Variants in DEF6 observed in about 807,000 individuals in gnomAD.
DEF6 encodes DEF6 guanine nucleotide exchange factor.
A neutral mutation model predicts 80.5 loss-of-function variants in DEF6; 32 were observed. The ratio of observed to expected loss-of-function variants is 0.40; its 90% CI spans 0.30 to 0.53. DEF6 has a LOEUF of 0.53. Among genes scored for constraint, DEF6 ranks in the 20% least tolerant of loss-of-function variants. The probability of loss-of-function intolerance (pLI) is 0.57; values close to 1 mark genes in which losing one functional copy is unlikely to be tolerated. For missense variants in DEF6, 575 were observed against 818.7 expected (o/e 0.70, Z 3.63); for synonymous variants, 300 against 337.9 (o/e 0.89, Z 1.23).
At position 35,318,466 on chromosome 6, in the gene DEF6, G is replaced by C. The variant is rs1791549354; in HGVS notation, c.1210G>C (p.Glu404Gln). ...QALEGQLREAEQARASMQAEM... is the reference protein window; with the variant it reads ...QALEGQLREAQQARASMQAEM... ...GCTCGAGGGCCAACTGCGCGAGGCG[G>C]AGCAGGTGGGGTTAGCTCCCGGCGC... is the stretch of plus-strand genomic sequence containing the variant. Residue 404 changes from glutamate to glutamine, a missense_variant, in exon 7 of 11, where the codon GAG becomes CAG. Glu to Gln is a conservative substitution (Grantham distance 29). Transcript: ENST00000316637. This position sits in a 1 kb window ranked among gnomAD's most constrained non-coding sequence, Gnocchi z 5.1. 2 of 1,426,754 alleles carry C rather than the reference G, an allele frequency of 1.4e-6. No homozygotes were observed. Among genetic ancestry groups the C allele is most frequent in the Non-Finnish European group, 1.8e-6 (2 of 1,098,884 alleles). 88.4% of individuals were successfully genotyped at this position (1,426,754 alleles called of 1,614,324 possible).
chr6:35,300,725 T>C (rs1791303228), intron 1 of DEF6, among the ~76,000 whole-genome samples: 1 of 151,916 alleles, frequency 6.6e-6, no homozygotes, highest in South Asian at 2.1e-4. Context: ...TTCCCAGGAG[T>C]TGAGGGCTGT....
intron 2 of DEF6, 38 bp from the exon 3 acceptor site, chr6:35,310,421 G>A (rs991564414): frequency 5.0e-6 from 8 of 1,606,842 alleles, no homozygotes; most frequent in South Asian, 1.1e-5. Context: ...TGGTAGAGCT[G>A]AGATATGCAG....
chr6:35,300,193 T>C (rs1305647983), intron 1 of DEF6, among the ~76,000 whole-genome samples: 1 of 152,216 alleles, frequency 6.6e-6, no homozygotes, highest in East Asian at 1.9e-4. Flanking sequence ...GGCTAATTTT[T>C]TTATTTTTTA....
At chr6:35,306,535 T>G (rs1791392641) in intron 1 of DEF6, among the ~76,000 whole-genome samples, 1 of 152,008 alleles carries the variant, frequency 6.6e-6, no homozygotes, top group African/African-American at 2.4e-5. Flanking sequence ...AGATGAAAGT[T>G]TCTCCCCTCA....
At chr6:35,313,499 C>G in intron 5 of DEF6, 1 of 317,500 alleles carries the variant, frequency 3.1e-6, no homozygotes. Flanking sequence ...TTGAAATATA[C>G]AATAGATTAT....
Position 35,318,246 on chromosome 6 carries a change from C to A in DEF6, c.990C>A (p.Arg330=). 6.3e-7 allele frequency: 1 copy of A among 1,592,536 alleles called. No homozygotes were observed. The highest frequency in any genetic ancestry group is 1.8e-5 in the Admixed American group (1 of 56,050). The change falls in exon 7 of 11, where the codon CGC becomes CGA. Residue 330 remains arginine (R), a synonymous_variant. Coordinates refer to ENST00000316637, the MANE Select transcript of DEF6 (RefSeq NM_022047.4). The surrounding 1 kb of genome is among the most constrained non-coding windows in gnomAD (Gnocchi z 5.1). ...SLHKDLKQKR[R]EQREQRERRR... is the part of the protein sequence containing the mutation. ...ACAAGGACCTGAAGCAGAAACGGCGCGAGCAGCGGGAGCAGCGGGAGCGGC... is the reference window on the plus strand; with the variant it reads ...ACAAGGACCTGAAGCAGAAACGGCGAGAGCAGCGGGAGCAGCGGGAGCGGC...
chr6:35,304,783 C>G (rs1791368689), intron 1 of DEF6, among the ~76,000 whole-genome samples: 2 of 151,950 alleles, frequency 1.3e-5, no homozygotes, highest in African/African-American at 2.4e-5. Context: ...CCCAGAAATG[C>G]TCACACAAAC....
In DEF6 at chr6:35,319,903, G is replaced by A; in HGVS notation, c.1467G>A (p.Gln489=). The change falls in exon 9 of 11, where the codon CAG becomes CAA. Residue 489 remains glutamine, a synonymous_variant. Transcript: ENST00000316637. This position sits in a 1 kb window ranked among gnomAD's most constrained non-coding sequence, Gnocchi z 4.5. Reference sequence around the variant, plus strand: ...AGCGCTACATCGAACGGGCGCAGCAGGAGAAGGAAGAGCTGCAGCAGGAGA... The same window carrying A: ...AGCGCTACATCGAACGGGCGCAGCAAGAGAAGGAAGAGCTGCAGCAGGAGA... ...EQERYIERAQ[Q]EKEELQQEMA... 6.4e-7 allele frequency: 1 copy of A among 1,574,306 alleles called. No individual in the cohort carries two copies. The highest frequency in any genetic ancestry group is 8.6e-7 in the Non-Finnish European group (1 of 1,159,726).
chr6:35,310,887 A>G (rs1791457907), intron 3 of DEF6, among the ~76,000 whole-genome samples: 1 of 152,170 alleles, frequency 6.6e-6, no homozygotes, highest in Admixed American at 6.5e-5. Context: ...GCTGGTCCTC[A>G]CTGTAGGAAA....
chr6:35,298,878 T>G (rs1219351047), intron 1 of DEF6, among the ~76,000 whole-genome samples: 1 of 152,152 alleles, frequency 6.6e-6, no homozygotes, highest in Non-Finnish European at 1.5e-5. Flanking sequence ...GCTCTGTGCC[T>G]GGCATGTGGC....
chr6:35,317,729 T>TA, intron 5 of DEF6, 162 bp from the exon 6 acceptor site: 1 of 577,342 alleles, frequency 1.7e-6, no homozygotes, highest in Non-Finnish European at 3.0e-6. Context: ...GGGACTTAAG[T>TA]CCCCCATAAC....
At chr6:35,309,602 G>T in intron 1 of DEF6, 68 bp from the exon 2 acceptor site, 5 of 1,569,150 alleles carry the variant, frequency 3.2e-6, no homozygotes, top group Non-Finnish European at 4.3e-6. Flanking sequence ...AGAGAGGTGG[G>T]GAGCAGTCCT....
chr6:35,314,407 CAAAA>C (rs34185807), intron 5 of DEF6, among the ~76,000 whole-genome samples: 4 of 99,264 alleles, frequency 4.0e-5, no homozygotes, highest in Non-Finnish European at 4.2e-5. Context: ...AACTCTATCT[CAAAA>C]AAAAAAAAAA....
rs1440006121 is a variant in DEF6 at position 35,317,973 on chromosome 6, C to T, written c.890C>T (p.Thr297Met). The change falls in exon 6 of 11, where the codon ACG becomes ATG. Residue 297 changes from threonine to methionine, a missense_variant. Physicochemically the swap from Thr to Met is moderately conservative, Grantham distance 81. Coordinates refer to ENST00000316637, the MANE Select transcript of DEF6 (RefSeq NM_022047.4). ...ACGTATGAGATGAGCGCCTCAGACA[C>T]GCGCCAGCGCCAGGAGTGGACAGCT... ...NRTYEMSASD[T>M]RQRQEWTAAI... is the part of the protein sequence containing the mutation. The T allele has an allele frequency of 2.5e-6, 4 of 1,613,724 alleles. No individual in the cohort carries two copies. In the East Asian group the frequency reaches 8.9e-5, roughly 36 times the overall value.
chr6:35,305,511 A>C (rs1374024596), intron 1 of DEF6, among the ~76,000 whole-genome samples: 1 of 152,070 alleles, frequency 6.6e-6, no homozygotes, highest in Non-Finnish European at 1.5e-5. Context: ...ACAAAAATAA[A>C]AATGAATTTA....
At position 35,321,526 on chromosome 6, in the gene DEF6, G is replaced by C. The variant is rs986866377; in HGVS notation, c.*116G>C. On this transcript the variant is annotated 3_prime_UTR_variant, in exon 11 of 11. Coordinates refer to ENST00000316637, the MANE Select transcript of DEF6 (RefSeq NM_022047.4). ...GGGAGCTGAGGTCCTGGTGCCAGGG[G>C]CCCAGGCCCTCCAACCATAAACAGT... 4.2e-6 allele frequency: 4 copies of C among 942,934 alleles called. No homozygotes were observed. Among genetic ancestry groups the C allele is most frequent in the Non-Finnish European group, 6.3e-6 (4 of 633,534 alleles). The allele number at this position is 942,934 out of a possible 1,614,324, so 58.4% of individuals were successfully genotyped here.
chr6:35,313,443 C>A (rs59756313), intron 5 of DEF6: 51 of 333,768 alleles, frequency 1.5e-4, no homozygotes, highest in African/African-American at 1.0e-3. Flanking sequence ...TCCTTTACCT[C>A]AAATATTTCT....
At chr6:35,299,444 T>G (rs1791283944) in intron 1 of DEF6, among the ~76,000 whole-genome samples, 1 of 151,978 alleles carries the variant, frequency 6.6e-6, no homozygotes, top group Admixed American at 6.6e-5. Context: ...CTGAGACCTC[T>G]CCAGGCTCTC....
At chr6:35,307,667 G>T (rs1173243260) in intron 1 of DEF6, among the ~76,000 whole-genome samples, 1 of 152,176 alleles carries the variant, frequency 6.6e-6, no homozygotes, top group East Asian at 1.9e-4. Context: ...AGGGAGAGGG[G>T]ATTTATTGGC....
Sources: allele counts gnomAD v4.1 joint callset (sites outside exome capture counted in the v4.1 genomes callset), GRCh38; gene constraint gnomAD v4.1.1; non-coding constraint Gnocchi (gnomAD v3.1); transcripts MANE v1.5; gene names NCBI Gene and HGNC (gene_info 2026-07-23, HGNC 2026-07-21).